ANKRD11: variants seen among roughly 807,000 people sequenced by gnomAD.
ANKRD11 encodes the protein ankyrin repeat domain-containing protein 11.
A neutral mutation model predicts 195.7 loss-of-function variants in ANKRD11; 17 were observed. That is an observed-to-expected ratio of 0.09 (90% confidence interval 0.06 to 0.13). The LOEUF (loss-of-function observed/expected upper bound fraction) is 0.13. ANKRD11 is among the 10% of genes least tolerant of loss of function. The pLI is 1.00. For synonymous variants in ANKRD11, 1,953 were observed against 1,528.1 expected (o/e 1.28, Z -6.49); for missense variants, 3,735 against 3,566.1 (o/e 1.05, Z -1.21).
At chr16:89,435,112 C>G (rs2043157648) in intron 1 of ANKRD11, among the ~76,000 whole-genome samples, 2 of 152,336 alleles carry the variant, frequency 1.3e-5, no homozygotes, top group South Asian at 2.1e-4. Flanking sequence ...CCAATCAGCA[C>G]TCTGTACAAA....
intron 1 of ANKRD11, among the ~76,000 whole-genome samples, chr16:89,477,567 G>C (rs1217802466): frequency 2.0e-5 from 3 of 151,788 alleles, no homozygotes; most frequent in Admixed American, 6.6e-5. Context: ...ATGTGGCCCA[G>C]GCTGGTCGCG....
intron 1 of ANKRD11, among the ~76,000 whole-genome samples, chr16:89,440,103 AG>A (rs1259913108): frequency 6.6e-6 from 1 of 152,228 alleles, no homozygotes; most frequent in Non-Finnish European, 1.5e-5. Context: ...CAGAACCTCT[AG>A]CCCAGTGCTC....
intron 2 of ANKRD11, among the ~76,000 whole-genome samples, chr16:89,330,656 CTGGGG>C (rs2038005676): frequency 2.3e-4 from 1 of 4,270 alleles, no homozygotes; most frequent in Non-Finnish European, 5.4e-4. Flanking sequence ...AGTACAGTGA[CTGGGG>C]GGGGGGGGGG....
chr16:89,462,106 T>C (rs1352298179), intron 1 of ANKRD11, among the ~76,000 whole-genome samples: 2 of 130,590 alleles, frequency 1.5e-5, no homozygotes, highest in African/African-American at 5.6e-5. Flanking sequence ...TCCCTCTCTT[T>C]CCACGGTCTC....
intron 1 of ANKRD11, among the ~76,000 whole-genome samples, chr16:89,455,754 G>T (rs962451981): frequency 1.3e-5 from 2 of 152,104 alleles, no homozygotes; most frequent in African/African-American, 4.8e-5. Context: ...CAAAGAATTG[G>T]GGCTGTACAT....
Position 89,281,150 on chromosome 16 carries a change from T to C in ANKRD11, c.5392A>G (p.Thr1798Ala), listed in dbSNP as rs1567563896. ...YRSVSVDIRR[T>A]PEEEFSVGDK... The stretch of plus-strand genomic sequence containing the variant: ...CCGACGCTGAATTCTTCCTCGGGGG[T>C]CCTCCTAATGTCGACAGAGACCGAG... Residue 1798 changes from threonine to alanine, a missense_variant, in exon 9 of 13, where the codon ACC (threonine) becomes GCC (alanine). Transcript: ENST00000301030. The surrounding 1 kb of genome is among the most constrained non-coding windows in gnomAD (Gnocchi z 5.5). 6.2e-7 allele frequency: 1 copy of C among 1,613,372 alleles called. No homozygotes were observed. Among genetic ancestry groups the C allele is most frequent in the East Asian group, 2.2e-5 (1 of 44,842 alleles).
At chr16:89,402,891 A>C (rs2041758653) in intron 2 of ANKRD11, among the ~76,000 whole-genome samples, 1 of 151,996 alleles carries the variant, frequency 6.6e-6, no homozygotes, top group Middle Eastern at 3.4e-3. Context: ...CGGGGGAAGG[A>C]GCCCCATCAG....
intron 1 of ANKRD11, among the ~76,000 whole-genome samples, chr16:89,489,388 T>C (rs1243642473): frequency 2.0e-5 from 3 of 150,300 alleles, no homozygotes. Context: ...ACCGCTTTCC[T>C]CCCAGCCACC....
rs771427810 is a variant in ANKRD11, at chr16:89,280,407, G to T, written c.6135C>A (p.Pro2045=). Residue 2045 remains proline (P), a synonymous_variant, in exon 9 of 13, where the codon CCC becomes CCA. Coordinates refer to ENST00000301030, the MANE Select transcript of ANKRD11 (RefSeq NM_013275.6). ...CCGCCTCTGAGGTGGAGATGGCGGC[G>T]GGGACGGCGTCCACTCCGTCCTTGA... ...EDVKDGVDAV[P]AAISTSEAAP... is the part of the protein sequence containing the mutation. 1.3e-6 allele frequency: 2 copies of T among 1,562,012 alleles called. No homozygotes were observed. Among genetic ancestry groups the T allele is most frequent in the Admixed American group, 3.7e-5 (2 of 54,508 alleles).
In ANKRD11 at chr16:89,281,814, G is replaced by A. The variant is rs771364254; in HGVS notation, c.4728C>T (p.Gly1576=). ...TCTCGAAGCTGGTCATCATCAGGTC[G>A]CCGTCCCCCAGGAGCTTCTCCCTGG... The part of the protein sequence containing the change: ...ARPREKLLGD[G]DLMMTSFERM... The change falls in exon 9 of 13, where the codon GGC becomes GGT. Residue 1576 remains glycine, a synonymous_variant. Transcript: ENST00000301030. This position sits in a 1 kb window ranked among gnomAD's most constrained non-coding sequence, Gnocchi z 5.5. 27 of 1,613,810 alleles carry A rather than the reference G, an allele frequency of 1.7e-5. No individual in the cohort carries two copies. Among genetic ancestry groups the A allele is most frequent in the African/African-American group, 5.3e-5 (4 of 74,916 alleles).
chr16:89,286,756 A>T (rs2034677435), intron 7 of ANKRD11: 1 of 1,286,958 alleles, frequency 7.8e-7, no homozygotes, highest in Non-Finnish European at 1.0e-6. Context: ...CACATGACTG[A>T]CAGAGACAAC....
intron 1 of ANKRD11, among the ~76,000 whole-genome samples, chr16:89,458,370 G>A (rs2056527179): frequency 6.6e-6 from 1 of 151,864 alleles, no homozygotes; most frequent in Non-Finnish European, 1.5e-5. Flanking sequence ...GACTACAGGC[G>A]CCCGCCACCA....
At chr16:89,433,761 C>T (rs1336909221) in intron 1 of ANKRD11, among the ~76,000 whole-genome samples, 3 of 151,662 alleles carry the variant, frequency 2.0e-5, no homozygotes, top group African/African-American at 2.4e-5. Flanking sequence ...GGGCTGGGCA[C>T]GCCACCTTCA....
intron 1 of ANKRD11, among the ~76,000 whole-genome samples, chr16:89,484,834 T>C (rs781736498): frequency 3.3e-5 from 5 of 152,166 alleles, no homozygotes; most frequent in Non-Finnish European, 5.9e-5. Flanking sequence ...TTTCAAATAA[T>C]GAACAGGTAC....
At chr16:89,351,278 C>T (rs1328475172) in intron 2 of ANKRD11, among the ~76,000 whole-genome samples, 3 of 152,136 alleles carry the variant, frequency 2.0e-5, no homozygotes, top group African/African-American at 7.2e-5. Flanking sequence ...GCCCACAGGC[C>T]GCCAAACACA....
intron 2 of ANKRD11, among the ~76,000 whole-genome samples, chr16:89,381,443 T>C (rs576988597): frequency 6.6e-5 from 10 of 151,754 alleles, no homozygotes; most frequent in African/African-American, 1.5e-4. Flanking sequence ...TTTAGGGTTA[T>C]TGTATAAGGA....
chr16:89,430,847 T>C (rs1381599281), intron 1 of ANKRD11, among the ~76,000 whole-genome samples: 1 of 152,206 alleles, frequency 6.6e-6, no homozygotes, highest in East Asian at 1.9e-4. Context: ...CCTTACGCAG[T>C]TTCTGTCTGA....
At chr16:89,313,338 A>G (rs1011515289) in intron 3 of ANKRD11, 2 of 1,287,340 alleles carry the variant, frequency 1.6e-6, no homozygotes, top group Non-Finnish European at 2.0e-6. Flanking sequence ...AACACACTCA[A>G]CGATGCAGAC....
intron 1 of ANKRD11, among the ~76,000 whole-genome samples, chr16:89,486,669 A>G (rs993264974): frequency 1.3e-5 from 2 of 152,152 alleles, no homozygotes; most frequent in Non-Finnish European, 2.9e-5. Flanking sequence ...GGGGCATGGT[A>G]TCAGAGTTAG....
Sources: gnomAD v4.1 joint callset for allele counts (sites outside exome capture counted in the v4.1 genomes callset) on GRCh38, gnomAD v4.1.1 for gene constraint, Gnocchi (gnomAD v3.1) non-coding constraint, MANE v1.5 for transcripts, NCBI Gene and HGNC (gene_info 2026-07-23, HGNC 2026-07-21) for gene names.